The following CHI3L2 variants were observed in gnomAD, a reference collection of about 807,000 sequenced individuals.
The protein encoded by CHI3L2 is chitinase-3-like protein 2.
In CHI3L2, 47 loss-of-function variants were observed where a neutral mutation model predicts 47.3. The ratio of observed to expected loss-of-function variants is 0.99; its 90% CI spans 0.79 to 1.27. The LOEUF is 1.27. CHI3L2 is among the 50% of genes most tolerant of loss of function. CHI3L2 has a pLI of 0.00. For missense variants in CHI3L2, 497 were observed against 462.1 expected, an observed-to-expected ratio of 1.08 and a Z score of -0.69; for synonymous variants, 198 against 169.9, an observed-to-expected ratio of 1.17 and a Z score of -1.28.
intron 4 of CHI3L2, among the ~76,000 whole-genome samples, chr1:111,232,002 A>G (rs764954917): frequency 6.6e-6 from 1 of 152,266 alleles, no homozygotes; most frequent in African/African-American, 2.4e-5. Flanking sequence ...AAGTGCTAAC[A>G]TCTTAAAAAG....
At chr1:111,240,191 T>C (rs1660006330) in intron 8 of CHI3L2, among the ~76,000 whole-genome samples, 2 of 152,226 alleles carry the variant, frequency 1.3e-5, no homozygotes, top group South Asian at 4.1e-4. Flanking sequence ...TGACCTCTCA[T>C]TGTGAGTGTG....
At chr1:111,241,551 T>C in intron 9 of CHI3L2, 108 bp downstream of exon 9, 1 of 661,238 alleles carries the variant, frequency 1.5e-6, no homozygotes, top group South Asian at 1.9e-5. Context: ...CCCCAGACTC[T>C]AGGATGGGAT....
At chr1:111,229,820 A>C (rs1477704340) in intron 1 of CHI3L2, 32 bp from the exon 2 acceptor site, 1 of 1,613,506 alleles carries the variant, frequency 6.2e-7, no homozygotes, top group South Asian at 1.1e-5. Flanking sequence ...GGTTTGGCTC[A>C]ACAGATTTCT....
chr1:111,229,958 C>G (rs1039642291), intron 2 of CHI3L2, 77 bp downstream of exon 2: 1 of 1,505,776 alleles, frequency 6.6e-7, no homozygotes, highest in African/African-American at 1.4e-5. Flanking sequence ...GTTTCTTTTT[C>G]TGCTACATGC....
chr1:111,238,660 C>T, intron 7 of CHI3L2, 90 bp from the exon 8 acceptor site: 3 of 1,350,136 alleles, frequency 2.2e-6, no homozygotes, highest in Non-Finnish European at 3.1e-6. Context: ...ACCAGGCAGT[C>T]ACCTCTGTGA....
chr1:111,241,552 A>G, intron 9 of CHI3L2, 109 bp downstream of exon 9: 2 of 662,580 alleles, frequency 3.0e-6, no homozygotes, highest in Non-Finnish European at 5.4e-6. Flanking sequence ...CCCAGACTCT[A>G]GGATGGGATC....
chr1:111,232,909 G>T (rs1252339757), intron 4 of CHI3L2, among the ~76,000 whole-genome samples: 1 of 152,162 alleles, frequency 6.6e-6, no homozygotes, highest in African/African-American at 2.4e-5. Context: ...TCTGATATCA[G>T]GCCAGTTTCT....
intron 8 of CHI3L2, among the ~76,000 whole-genome samples, chr1:111,239,732 GC>G (rs1431293818): frequency 6.6e-6 from 1 of 152,098 alleles, no homozygotes. Flanking sequence ...ATTCCTCTCT[GC>G]CCTCCAATCT....
intron 4 of CHI3L2, among the ~76,000 whole-genome samples, chr1:111,232,759 A>G (rs1005098212): frequency 5.9e-5 from 9 of 152,324 alleles, no homozygotes; most frequent in Non-Finnish European, 1.0e-4. Context: ...TAAGGAACAA[A>G]TTAGTAAATT....
rs957126085 is a variant in CHI3L2 at position 111,242,281 on chromosome 1, A to G, written c.1090A>G (p.Met364Val). The G allele has an allele frequency of 1.2e-6, 2 of 1,614,140 alleles. No individual in the cohort carries two copies. Among genetic ancestry groups the G allele is most frequent in the South Asian group, 1.1e-5 (1 of 91,078 alleles). ...AGGAGCCATGATCTGGTCTATTGAC[A>G]TGGATGACTTCACTGGCAAATCCTG... ...LGGAMIWSID[M>V]DDFTGKSCNQ... is the part of the protein sequence containing the mutation. The change falls in exon 10 of 11, where the codon ATG (methionine) becomes GTG (valine). Residue 364 changes from methionine to valine, a missense_variant. Transcript: ENST00000369748.
intron 8 of CHI3L2, chr1:111,239,207 T>G: frequency 6.1e-6 from 2 of 326,526 alleles, no homozygotes; most frequent in Non-Finnish European, 1.1e-5. Flanking sequence ...AAAGGAAGAC[T>G]ACCCCAAGTT....
intron 8 of CHI3L2, chr1:111,239,466 T>A (rs531267206): frequency 6.6e-6 from 1 of 152,318 alleles, no homozygotes; most frequent in South Asian, 2.1e-4. Flanking sequence ...AGCCAAACCA[T>A]ACAGTGAGAA....
intron 8 of CHI3L2, among the ~76,000 whole-genome samples, chr1:111,239,518 G>C (rs1253641376): frequency 6.6e-6 from 1 of 152,152 alleles, no homozygotes; most frequent in African/African-American, 2.4e-5. Flanking sequence ...TCCTACACCT[G>C]AGGGACATGC....
At chr1:111,235,592 T>C in intron 5 of CHI3L2, 47 bp from the exon 6 acceptor site, 1 of 1,593,912 alleles carries the variant, frequency 6.3e-7, no homozygotes, top group South Asian at 1.2e-5. Context: ...CTTAGCACTG[T>C]ACTCTGGGAA....
chr1:111,227,852 C>G (rs1659571277), intron 1 of CHI3L2, 83 bp downstream of exon 1: 2 of 1,359,068 alleles, frequency 1.5e-6, no homozygotes, highest in African/African-American at 2.9e-5. Context: ...AATCTTCCTC[C>G]TTTCCTGGGA....
chr1:111,242,553 GTAA>G (rs1660093504), intron 10 of CHI3L2, 187 bp downstream of exon 10: 41 of 447,708 alleles, frequency 9.2e-5, no homozygotes, highest in Middle Eastern at 5.9e-4. Context: ...GACTTTTAAA[GTAA>G]TAATAATAAT....
Position 111,241,455 on chromosome 1 carries a change from A to G in CHI3L2, c.1035+12A>G, listed in dbSNP as rs747218774. 26 of 1,254,376 alleles carry G rather than the reference A, an allele frequency of 2.1e-5. No individual in the cohort carries two copies. Among genetic ancestry groups the G allele is most frequent in the Non-Finnish European group, 2.9e-5 (25 of 851,178 alleles). 77.7% of individuals were successfully genotyped at this position (1,254,376 alleles called of 1,614,324 possible). ...GTATGGAGACCAAGGTAGGTGGGCCACAGGCAGATACTCCTTTAGGTGGGG... is the reference window on the plus strand; with the variant it reads ...GTATGGAGACCAAGGTAGGTGGGCCGCAGGCAGATACTCCTTTAGGTGGGG... On this transcript the variant is annotated intron_variant, in intron 9 of 10. Transcript: ENST00000369748.
chr1:111,234,496 T>C (rs1198404383), intron 4 of CHI3L2, among the ~76,000 whole-genome samples: 1 of 151,914 alleles, frequency 6.6e-6, no homozygotes, highest in Non-Finnish European at 1.5e-5. Context: ...AGGGGGTGAG[T>C]AATCAGGTAC....
rs922577449 is a variant in CHI3L2 at position 111,241,315 on chromosome 1, T to C, written c.919-12T>C. 3.5e-6 allele frequency: 5 copies of C among 1,442,792 alleles called. No individual in the cohort carries two copies. The African/African-American group carries it at 6.9e-5, about 20-fold the overall frequency. The allele number at this position is 1,442,792 out of a possible 1,614,324, so 89.4% of individuals were successfully genotyped here. On this transcript the variant is annotated splice_polypyrimidine_tract_variant and intron_variant, in intron 8 of 10. Transcript: ENST00000369748. Reference sequence around the variant, plus strand: ...CCATTACTGACCCTCTCGTTTCCCTTTCCCCTGCCAGATCTGCCAGTTCCT... The same window carrying C: ...CCATTACTGACCCTCTCGTTTCCCTCTCCCCTGCCAGATCTGCCAGTTCCT...
Sources: allele counts gnomAD v4.1 joint callset (sites outside exome capture counted in the v4.1 genomes callset), GRCh38; gene constraint gnomAD v4.1.1; transcripts MANE v1.5; gene names NCBI Gene and HGNC (gene_info 2026-07-23, HGNC 2026-07-21).